Variants in PKD1L1 observed in about 807,000 individuals in gnomAD.
PKD1L1 encodes the protein polycystin-1-like protein 1.
PKD1L1 carries 236 observed loss-of-function variants against 323.4 expected under a neutral mutation model. The ratio of observed to expected loss-of-function variants is 0.73; its 90% CI spans 0.66 to 0.81. The LOEUF is 0.81. PKD1L1 is among the 40% of genes least tolerant of loss of function. The pLI is 0.00. For missense variants in PKD1L1, 3,320 were observed against 3,508.0 expected (o/e 0.95, Z 1.35); for synonymous variants, 1,344 against 1,335.0 (o/e 1.01, Z -0.15).
Position 47,829,525 on chromosome 7 carries a change from G to C in PKD1L1, c.6635C>G (p.Ala2212Gly). 6.2e-7 allele frequency: 1 copy of C among 1,614,100 alleles called. No individual in the cohort carries two copies. ...CAATTCAGAGTCCAGATCCCTGGTAGCCTCACATAAAGACTCAGTAAAAAA... is the reference window on the plus strand; with the variant it reads ...CAATTCAGAGTCCAGATCCCTGGTACCCTCACATAAAGACTCAGTAAAAAA... Reference protein sequence around the residue: ...NHFFTESLCEATRDLDSELAE... With the variant: ...NHFFTESLCEGTRDLDSELAE... The change falls in exon 44 of 57, where the codon GCT (alanine) becomes GGT (glycine). Residue 2212 changes from alanine (A) to glycine (G), a missense_variant. Ala to Gly is a moderately conservative substitution (Grantham distance 60). Transcript: ENST00000289672.
intron 54 of PKD1L1, 131 bp downstream of exon 54, chr7:47,800,518 C>G (rs189845253): frequency 1.1e-6 from 1 of 913,370 alleles, no homozygotes; most frequent in Non-Finnish European, 1.7e-6. Flanking sequence ...GTGAGCTGGA[C>G]GGCAGGGATT....
chr7:47,786,817 G>A (rs1786817665), intron 56 of PKD1L1, among the ~76,000 whole-genome samples: 1 of 152,166 alleles, frequency 6.6e-6, no homozygotes, highest in South Asian at 2.1e-4. Context: ...ATCAGCAGCA[G>A]CCCCCGGCTG....
chr7:47,936,662 T>C (rs1303018486), intron 4 of PKD1L1, among the ~76,000 whole-genome samples, 184 bp downstream of exon 4: 2 of 152,226 alleles, frequency 1.3e-5, no homozygotes, highest in Non-Finnish European at 2.9e-5. Context: ...CTACCTGTTC[T>C]ACTCCTGCAA....
chr7:47,861,653 C>A (rs1046824845), intron 26 of PKD1L1, among the ~76,000 whole-genome samples: 1 of 151,974 alleles, frequency 6.6e-6, no homozygotes, highest in Non-Finnish European at 1.5e-5. Context: ...GAGGCCAAGG[C>A]GGGCGGATCA....
At chr7:47,936,391 A>G (rs1364668805) in intron 4 of PKD1L1, among the ~76,000 whole-genome samples, 4 of 152,170 alleles carry the variant, frequency 2.6e-5, no homozygotes, top group African/African-American at 9.7e-5. Flanking sequence ...TGACTACTCT[A>G]GGGACCTCGC....
chr7:47,884,533 G>A, intron 19 of PKD1L1, 65 bp downstream of exon 19: 2 of 1,437,214 alleles, frequency 1.4e-6, no homozygotes, highest in Non-Finnish European at 2.0e-6. Context: ...GGGAAATCCA[G>A]ATTGCAGAAA....
At chr7:47,795,352 G>C (rs747895063) in intron 55 of PKD1L1, 27 of 455,224 alleles carry the variant, frequency 5.9e-5, no homozygotes, top group South Asian at 4.0e-4. Context: ...TTCCACTTTT[G>C]CATCTGGATC....
Position 47,833,084 on chromosome 7 carries a change from A to G in PKD1L1, c.6337+6T>C, listed in dbSNP as rs1412176167. On this transcript the variant is annotated splice_donor_region_variant and intron_variant, in intron 41 of 56. Transcript: ENST00000289672. ...GAAGGGGGCTGTGGTTGCAAGCCACAGTTACCTTGAGTGTGGGGAGGGCAG... is the reference window on the plus strand; with the variant it reads ...GAAGGGGGCTGTGGTTGCAAGCCACGGTTACCTTGAGTGTGGGGAGGGCAG... The G allele has an allele frequency of 1.2e-6, 2 of 1,607,710 alleles. No homozygotes were observed. Among genetic ancestry groups the G allele is most frequent in the Non-Finnish European group, 1.7e-6 (2 of 1,176,954 alleles).
At chr7:47,867,606 T>C (rs1351778712) in intron 24 of PKD1L1, among the ~76,000 whole-genome samples, 1 of 152,110 alleles carries the variant, frequency 6.6e-6, no homozygotes, top group Non-Finnish European at 1.5e-5. Context: ...CAATAGAAAC[T>C]GCCTATGAGG....
intron 2 of PKD1L1, among the ~76,000 whole-genome samples, chr7:47,943,163 AATATATATATAT>A (rs60168291): frequency 0.071 from 2,414 of 33,980 alleles, 50 homozygotes; most frequent in East Asian, 0.13. Context: ...AAAAAAAAAA[AATATATATATAT>A]ATATATATAT....
intron 24 of PKD1L1, among the ~76,000 whole-genome samples, chr7:47,870,000 T>A (rs945064982): frequency 1.3e-5 from 2 of 152,108 alleles, no homozygotes. Flanking sequence ...AATCAATGGT[T>A]CAAAGAAGAA....
chr7:47,931,471 C>T (rs1787770631), intron 5 of PKD1L1, 150 bp from the exon 6 acceptor site: 1 of 802,276 alleles, frequency 1.2e-6, no homozygotes, highest in African/African-American at 1.7e-5. Context: ...CAAATTGGCC[C>T]CGTGCATTGG....
At chr7:47,932,082 G>T (rs568961230) in intron 4 of PKD1L1, 26 bp from the exon 5 acceptor site, 6 of 1,586,858 alleles carry the variant, frequency 3.8e-6, no homozygotes, top group Admixed American at 3.6e-5. Context: ...AGTGCAGAAA[G>T]AAAAGGAAAC....
intron 26 of PKD1L1, among the ~76,000 whole-genome samples, chr7:47,862,654 G>T (rs1786058374): frequency 6.6e-6 from 1 of 152,182 alleles, no homozygotes; most frequent in Non-Finnish European, 1.5e-5. Flanking sequence ...GGTGGGTCTA[G>T]GACAATGTCT....
At chr7:47,929,862 T>C (rs1007472981) in intron 6 of PKD1L1, among the ~76,000 whole-genome samples, 1 of 152,020 alleles carries the variant, frequency 6.6e-6, no homozygotes, top group Admixed American at 6.5e-5. Context: ...AAAGGTAGAG[T>C]TTCTCTCATC....
At position 47,923,595 on chromosome 7, in the gene PKD1L1, C is replaced by G. The variant is rs146289706; in HGVS notation, c.1060+5609G>C. ...GGGGGCTCTTGAGCAGCCACTTGCT[C>G]AAGCCTGCTCCCACTCTGTGAATTG... On this transcript the variant is annotated intron_variant, in intron 7 of 56. Transcript: ENST00000289672. Among the ~76,000 whole-genome samples, 300 of 151,864 alleles carry G rather than the reference C, an allele frequency of 2.0e-3. 2 individuals are homozygous for G. Among genetic ancestry groups the G allele is most frequent in the African/African-American group, 6.8e-3 (281 of 41,462 alleles).
At chr7:47,786,997 T>C (rs1336532098) in intron 56 of PKD1L1, among the ~76,000 whole-genome samples, 1 of 152,236 alleles carries the variant, frequency 6.6e-6, no homozygotes, top group Non-Finnish European at 1.5e-5. Flanking sequence ...TGTAGGTGGT[T>C]ATTGATAGCT....
intron 43 of PKD1L1, 33 bp downstream of exon 43, chr7:47,830,007 G>T: frequency 6.3e-7 from 1 of 1,596,832 alleles, no homozygotes; most frequent in Non-Finnish European, 8.6e-7. Flanking sequence ...CCTGCTGATG[G>T]AAGGCACTTC....
intron 13 of PKD1L1, 91 bp from the exon 14 acceptor site, chr7:47,898,285 T>C (rs1341687798): frequency 1.8e-6 from 2 of 1,084,398 alleles, no homozygotes; most frequent in Admixed American, 2.2e-5. Context: ...TAACTGTAGA[T>C]CTCCCATTAT....
Sources: gnomAD v4.1 joint callset for allele counts (sites outside exome capture counted in the v4.1 genomes callset) on GRCh38, gnomAD v4.1.1 for gene constraint, MANE v1.5 for transcripts, NCBI Gene and HGNC (gene_info 2026-07-23, HGNC 2026-07-21) for gene names.